ABCB5: variants seen among roughly 807,000 people sequenced by gnomAD.
The protein encoded by ABCB5 is ATP binding cassette subfamily B member 5, also known as ATP-binding cassette sub-family B member 5.
Under a neutral mutation model 144.2 loss-of-function variants are expected in ABCB5, and 155 were observed. The ratio of observed to expected loss-of-function variants is 1.08; its 90% confidence interval spans 0.94 to 1.23. The LOEUF (loss-of-function observed/expected upper bound fraction) is 1.23. ABCB5 is among the 50% of genes most tolerant of loss of function. The pLI, the probability that ABCB5 is intolerant of heterozygous loss-of-function variation, is 0.00. For synonymous variants in ABCB5, 610 were observed against 528.6 expected (o/e 1.15, Z -2.11); for missense variants, 1,830 against 1,520.8 (o/e 1.20, Z -3.38).
intron 26 of ABCB5, among the ~76,000 whole-genome samples, chr7:20,749,224 CTCTCTT>C: frequency 7.6e-6 from 1 of 130,756 alleles, no homozygotes; most frequent in South Asian, 2.8e-4. Flanking sequence ...CTCCCCCTCT[CTCTCTT>C]TCTTTCTTTT....
intron 13 of ABCB5, among the ~76,000 whole-genome samples, chr7:20,656,090 G>GA (rs34900454): frequency 0.19 from 29,134 of 151,966 alleles, 2,942 homozygotes; most frequent in African/African-American, 0.26. Context: ...TATCCTTGTG[G>GA]AAAAAATAAA....
At chr7:20,711,972 G>A (rs1192482646) in intron 20 of ABCB5, among the ~76,000 whole-genome samples, 1 of 137,910 alleles carries the variant, frequency 7.3e-6, no homozygotes, top group Non-Finnish European at 1.6e-5. Context: ...GGGCACAGTG[G>A]CTTACGCCTG....
intron 14 of ABCB5, among the ~76,000 whole-genome samples, chr7:20,673,460 A>G (rs1299894284): frequency 6.6e-6 from 1 of 152,068 alleles, no homozygotes; most frequent in African/African-American, 2.4e-5. Flanking sequence ...ACACATAAAT[A>G]TTTAGGATTG....
At chr7:20,712,558 T>C (rs1480582132) in intron 20 of ABCB5, among the ~76,000 whole-genome samples, 4 of 149,794 alleles carry the variant, frequency 2.7e-5, no homozygotes, top group Admixed American at 6.6e-5. Context: ...GCTTTGTTCA[T>C]TTTTTTCTGC....
chr7:20,709,886 C>G (rs75967195), intron 20 of ABCB5, among the ~76,000 whole-genome samples: 11,113 of 147,044 alleles, frequency 0.076, 1,748 homozygotes, highest in East Asian at 0.31. Flanking sequence ...CACCAGGCTG[C>G]CAACATGGTG....
chr7:20,735,057 G>T (rs1370483069), intron 23 of ABCB5, among the ~76,000 whole-genome samples: 1 of 152,124 alleles, frequency 6.6e-6, no homozygotes, highest in African/African-American at 2.4e-5. Context: ...CCACTGCAAA[G>T]CTTTCTCTAT....
intron 14 of ABCB5, chr7:20,659,613 CTG>C (rs1784933774): frequency 4.0e-6 from 4 of 990,732 alleles, no homozygotes; most frequent in African/African-American, 1.7e-5. Context: ...TCTTTGTTTA[CTG>C]TGGACACTTC....
chr7:20,647,578 C>G lies in ABCB5; in HGVS notation c.1025C>G (p.Ala342Gly), dbSNP rs1784443996. The change falls in exon 10 of 28, where the codon GCA (alanine) becomes GGA (glycine). Residue 342 changes from alanine to glycine, a missense_variant. Ala to Gly is a moderately conservative substitution (Grantham distance 60, BLOSUM62 0). Transcript: ENST00000404938. ...CATAGCAGTTATTGCATTGGAGCAG[C>G]AGTCCCTCACTTTGAAACCTTCGCA... ...VIHSSYCIGA[A>G]VPHFETFAIA... 1.9e-6 allele frequency: 3 copies of G among 1,589,644 alleles called. No individual in the cohort carries two copies. Among genetic ancestry groups the G allele is most frequent in the Admixed American group, 1.8e-5 (1 of 56,418 alleles).
intron 5 of ABCB5, among the ~76,000 whole-genome samples, chr7:20,639,532 G>C (rs988155759): frequency 1.3e-5 from 2 of 152,158 alleles, no homozygotes; most frequent in African/African-American, 4.8e-5. Context: ...AATGATGTGA[G>C]GTAATGGTTT....
intron 21 of ABCB5, 70 bp from the exon 22 acceptor site, chr7:20,726,970 G>C (rs1782056695): frequency 2.7e-6 from 3 of 1,120,092 alleles, no homozygotes; most frequent in East Asian, 5.2e-5. Context: ...TGAGTGACTA[G>C]AATTCACAAA....
intron 13 of ABCB5, among the ~76,000 whole-genome samples, chr7:20,657,419 A>C (rs371645335): frequency 2.6e-5 from 4 of 152,274 alleles, no homozygotes; most frequent in African/African-American, 9.6e-5. Flanking sequence ...GTAAACTCGC[A>C]TTGTGTGGAA....
At chr7:20,738,466 G>A (rs558045854) in intron 23 of ABCB5, among the ~76,000 whole-genome samples, 9 of 152,200 alleles carry the variant, frequency 5.9e-5, no homozygotes, top group African/African-American at 1.9e-4. Flanking sequence ...GGAACCTGAG[G>A]AAAATACGAT....
chr7:20,660,511 C>G, intron 14 of ABCB5: 1 of 720,208 alleles, frequency 1.4e-6, no homozygotes, highest in Non-Finnish European at 1.7e-6. Flanking sequence ...TGGAAAATGG[C>G]TTATGGAGAA....
At chr7:20,722,894 A>G in intron 20 of ABCB5, 122 bp from the exon 21 acceptor site, 2 of 725,656 alleles carry the variant, frequency 2.8e-6, no homozygotes, top group Non-Finnish European at 4.5e-6. Context: ...AATTCAAGGC[A>G]TAAATTTAAG....
chr7:20,684,506 C>A (rs1313420681), intron 15 of ABCB5, among the ~76,000 whole-genome samples: 1 of 152,228 alleles, frequency 6.6e-6, no homozygotes, highest in East Asian at 1.9e-4. Flanking sequence ...GTAATCCCAG[C>A]TACTTGGAAG....
chr7:20,741,646 AT>A (rs1232354605), intron 24 of ABCB5, among the ~76,000 whole-genome samples: 2 of 151,936 alleles, frequency 1.3e-5, no homozygotes, highest in African/African-American at 2.4e-5. Flanking sequence ...ATATCATAAA[AT>A]TTTTTTTGTT....
chr7:20,720,201 T>G (rs1375672246), intron 20 of ABCB5, among the ~76,000 whole-genome samples: 1 of 152,124 alleles, frequency 6.6e-6, no homozygotes, highest in African/African-American at 2.4e-5. Flanking sequence ...AAAGCCAACG[T>G]GAAGGGACTT....
chr7:20,658,783 T>C, intron 14 of ABCB5, 107 bp downstream of exon 14: 1 of 1,334,230 alleles, frequency 7.5e-7, no homozygotes, highest in Non-Finnish European at 1.0e-6. Context: ...AGAGCCCTCT[T>C]AAGGTATAAA....
chr7:20,660,268 A>G (rs1784960590), intron 14 of ABCB5: 1 of 985,442 alleles, frequency 1.0e-6, no homozygotes, highest in South Asian at 4.7e-5. Flanking sequence ...AAATGAAGGC[A>G]ATATATGAAA....
Sources: gnomAD v4.1 joint callset for allele counts (sites outside exome capture counted in the v4.1 genomes callset) on GRCh38, gnomAD v4.1.1 for gene constraint, MANE v1.5 for transcripts, NCBI Gene and HGNC (gene_info 2026-07-23, HGNC 2026-07-21) for gene names.